Variants in SGK2 observed in about 807,000 individuals in gnomAD.
SGK2 encodes the protein serum/glucocorticoid regulated kinase 2.
In SGK2, 36 loss-of-function variants were observed where a neutral mutation model predicts 47.5. That is an observed-to-expected ratio of 0.76 (90% confidence interval 0.58 to 1.00). The LOEUF (loss-of-function observed/expected upper bound fraction) is 1.00. Ranked by LOEUF, SGK2 falls within the 50% of genes least tolerant of loss-of-function variation. The probability of loss-of-function intolerance (pLI) is 0.00; values close to 1 mark genes in which losing one functional copy is unlikely to be tolerated. For missense variants in SGK2, 404 were observed against 467.4 expected (o/e 0.86, Z 1.25); for synonymous variants, 157 against 181.9 (o/e 0.86, Z 1.10).
In SGK2 at chr20:43,564,578, C is replaced by T. The variant is rs377763840; in HGVS notation, c.-23-1895C>T. Among the ~76,000 whole-genome samples the T allele has an allele frequency of 3.3e-5, 5 of 152,270 alleles. No homozygotes were observed. The South Asian group carries it at 1.0e-3, about 32-fold the overall frequency. On this transcript the variant is annotated intron_variant, in intron 1 of 12. Coordinates refer to ENST00000373100, the MANE Select transcript of SGK2 (RefSeq NM_170693.3). Reference sequence around the variant, plus strand: ...ACACACAATGACTTACCTATACACACATATTAATAGACACCCATACTGCTC... The same window carrying T: ...ACACACAATGACTTACCTATACACATATATTAATAGACACCCATACTGCTC...
chr20:43,567,449 T>C (rs2071973), intron 3 of SGK2, among the ~76,000 whole-genome samples: 43,613 of 152,094 alleles, frequency 0.29, 8,836 homozygotes, highest in African/African-American at 0.58. Flanking sequence ...GCCTGTTGTT[T>C]AACTTGAATT....
At chr20:43,570,935 C>T (rs954328087) in intron 7 of SGK2, 89 bp from the exon 8 acceptor site, 6 of 1,593,084 alleles carry the variant, frequency 3.8e-6, no homozygotes, top group East Asian at 2.2e-5. Flanking sequence ...GAATAGTTCT[C>T]CTGCCAGGAC....
rs137861982 is a variant in SGK2, at chr20:43,582,758, C to T, written c.940-2094C>T. Among the ~76,000 whole-genome samples, 1,118 of 152,010 alleles carry T rather than the reference C, an allele frequency of 7.4e-3. 14 individuals carry two copies. The highest frequency in any genetic ancestry group is 0.025 in the African/African-American group (1,031 of 41,456). Reference sequence around the variant, plus strand: ...CTGGAGTGCAGTGGCACGATCTCAGCTCACTGCAACCTCTGCCTCTCCAGG... The same window carrying T: ...CTGGAGTGCAGTGGCACGATCTCAGTTCACTGCAACCTCTGCCTCTCCAGG... On this transcript the variant is annotated intron_variant, in intron 12 of 12. Coordinates refer to ENST00000373100, the MANE Select transcript of SGK2 (RefSeq NM_170693.3).
chr20:43,581,698 T>G (rs1375092706), intron 12 of SGK2, among the ~76,000 whole-genome samples: 1 of 152,136 alleles, frequency 6.6e-6, no homozygotes, highest in South Asian at 2.1e-4. Context: ...CTGGCTAATT[T>G]TTGCATTTTC....
intron 9 of SGK2, among the ~76,000 whole-genome samples, chr20:43,573,531 T>TCTTGGAC (rs1980282423): frequency 6.7e-6 from 1 of 148,866 alleles, no homozygotes; most frequent in Non-Finnish European, 1.5e-5. Flanking sequence ...CTCCCACCAG[T>TCTTGGAC]CTTGGACCTT....
intron 12 of SGK2, chr20:43,583,620 G>T: frequency 1.0e-6 from 1 of 985,310 alleles, no homozygotes; most frequent in Non-Finnish European, 1.2e-6. Flanking sequence ...CAGAGAGACT[G>T]TATTGGTTAG....
At position 43,579,011 on chromosome 20, in the gene SGK2, C is replaced by CTT. The variant is rs10523244; in HGVS notation, c.850-938_850-937dup. Reference sequence around the variant, plus strand: ...AATTTCTTGGGCATTCTTTCGGAGGCTTTTTTTTTTTTTTTTTTTTTTTTG... The same window carrying CTT: ...AATTTCTTGGGCATTCTTTCGGAGGCTTTTTTTTTTTTTTTTTTTTTTTTTTG... On this transcript the variant is annotated intron_variant, in intron 11 of 12. Coordinates refer to ENST00000373100, the MANE Select transcript of SGK2 (RefSeq NM_170693.3). 1.3e-3 allele frequency among the ~76,000 whole-genome samples: 192 copies of CTT among 143,732 alleles called. 1 individual carries two copies. The highest frequency in any genetic ancestry group is 8.9e-3 in the East Asian group (44 of 4,920). The allele number at this position is 143,732 out of a possible 152,430, so 94.3% of individuals were successfully genotyped here. A position where few individuals can be genotyped will look rare whatever the true frequency, so the allele number is the denominator to read the frequency against.
intron 6 of SGK2, 69 bp from the exon 7 acceptor site, chr20:43,570,548 G>A (rs1169241883): frequency 2.0e-6 from 2 of 1,019,348 alleles, no homozygotes; most frequent in Non-Finnish European, 3.0e-6. Flanking sequence ...GCACAGGGCG[G>A]GGAGCAGGTG....
intron 5 of SGK2, among the ~76,000 whole-genome samples, chr20:43,569,087 G>A (rs897783762): frequency 6.6e-6 from 1 of 152,182 alleles, no homozygotes; most frequent in Non-Finnish European, 1.5e-5. Flanking sequence ...ACTCAGTTAT[G>A]TAGGCATCAC....
chr20:43,576,737 C>T (rs1354714181), intron 11 of SGK2, among the ~76,000 whole-genome samples: 3 of 152,302 alleles, frequency 2.0e-5, no homozygotes, highest in Middle Eastern at 3.4e-3. Context: ...GTCAGAAGTT[C>T]GAGACCAGCC....
chr20:43,575,414 C>T (rs1442628984), intron 10 of SGK2, among the ~76,000 whole-genome samples: 4 of 140,822 alleles, frequency 2.8e-5, no homozygotes, highest in Non-Finnish European at 6.0e-5. Flanking sequence ...CAGTGAACCG[C>T]GGTCGCACCA....
At chr20:43,576,526 A>G in intron 11 of SGK2, 147 bp downstream of exon 11, 2 of 649,314 alleles carry the variant, frequency 3.1e-6, no homozygotes, top group Non-Finnish European at 5.2e-6. Context: ...TACTGCTACT[A>G]GCTGACTACT....
At chr20:43,575,043 A>G in intron 10 of SGK2, 39 bp downstream of exon 10, 2 of 1,405,064 alleles carry the variant, frequency 1.4e-6, no homozygotes, top group Non-Finnish European at 2.0e-6. Flanking sequence ...CCATCTGGCT[A>G]GGGATGGGTC....
chr20:43,567,905 T>C lies in SGK2; in HGVS notation c.145-11T>C, dbSNP rs762223053. Reference sequence around the variant, plus strand: ...TCACCTACAGGGCCTCAAATTCATGTTTCTTCTCAGGTCCTACTGGCCAAG... The same window carrying C: ...TCACCTACAGGGCCTCAAATTCATGCTTCTTCTCAGGTCCTACTGGCCAAG... On this transcript the variant is annotated splice_polypyrimidine_tract_variant and intron_variant, in intron 4 of 12. Coordinates refer to ENST00000373100, the MANE Select transcript of SGK2 (RefSeq NM_170693.3). 1.1e-5 allele frequency: 17 copies of C among 1,613,542 alleles called. 1 individual carries two copies. The highest frequency in any genetic ancestry group is 1.6e-4 in the Middle Eastern group (1 of 6,080).
chr20:43,579,737 A>G (rs1394423515), intron 11 of SGK2, among the ~76,000 whole-genome samples: 1 of 152,180 alleles, frequency 6.6e-6, no homozygotes, highest in South Asian at 2.1e-4. Context: ...GAAGATGCTC[A>G]GTAAATAGTT....
intron 1 of SGK2, among the ~76,000 whole-genome samples, chr20:43,563,668 G>A (rs1266450414): frequency 6.6e-6 from 1 of 152,240 alleles, no homozygotes; most frequent in Non-Finnish European, 1.5e-5. Flanking sequence ...GTTCTGAAGT[G>A]CTCTGTGGTG....
intron 8 of SGK2, among the ~76,000 whole-genome samples, 187 bp from the exon 9 acceptor site, chr20:43,571,864 C>T (rs62224806): frequency 0.024 from 3,702 of 152,270 alleles, 59 homozygotes; most frequent in Middle Eastern, 0.034. Flanking sequence ...AATGCCCACC[C>T]GGCCCCCTGT....
chr20:43,559,624 C>T (rs1979271123), intron 1 of SGK2, among the ~76,000 whole-genome samples: 1 of 152,140 alleles, frequency 6.6e-6, no homozygotes, highest in Admixed American at 6.5e-5. Context: ...ATCAAGTTGG[C>T]ACTTGAACTG....
At chr20:43,579,161 GCA>G (rs1980643328) in intron 11 of SGK2, among the ~76,000 whole-genome samples, 1 of 151,964 alleles carries the variant, frequency 6.6e-6, no homozygotes, top group Admixed American at 6.6e-5. Flanking sequence ...AGGATTACAG[GCA>G]CACACCACCA....
Sources: allele counts gnomAD v4.1 joint callset (sites outside exome capture counted in the v4.1 genomes callset), GRCh38; gene constraint gnomAD v4.1.1; transcripts MANE v1.5; gene names NCBI Gene and HGNC (gene_info 2026-07-23, HGNC 2026-07-21).